The following TACC2 variants were observed in gnomAD, a reference collection of about 807,000 sequenced individuals.
TACC2 encodes transforming acidic coiled-coil-containing protein 2.
Under a neutral mutation model 227.3 loss-of-function variants are expected in TACC2, and 137 were observed. The ratio of observed to expected loss-of-function variants is 0.60; its 90% CI spans 0.52 to 0.69. The LOEUF is 0.69. Among genes scored for constraint, TACC2 ranks in the 30% least tolerant of loss-of-function variants. The pLI is 0.00. For missense variants in TACC2, 3,470 were observed against 3,694.4 expected (o/e 0.94, Z 1.57); for synonymous variants, 1,523 against 1,487.5 (o/e 1.02, Z -0.55).
At chr10:122,112,175 C>T (rs1479789669) in intron 5 of TACC2, among the ~76,000 whole-genome samples, 5 of 152,078 alleles carry the variant, frequency 3.3e-5, no homozygotes, top group Non-Finnish European at 7.4e-5. Context: ...AAATGGGAAG[C>T]CTGCTGTCTA....
intron 1 of TACC2, among the ~76,000 whole-genome samples, chr10:122,018,518 A>C (rs1450464207): frequency 1.3e-5 from 2 of 152,148 alleles, no homozygotes; most frequent in Admixed American, 1.3e-4. Context: ...CCCTAAAAAA[A>C]AATCCTGTGC....
At chr10:122,068,701 T>G (rs959190530) in intron 3 of TACC2, among the ~76,000 whole-genome samples, 1 of 150,028 alleles carries the variant, frequency 6.7e-6, no homozygotes, top group Admixed American at 6.7e-5. Flanking sequence ...TCTCACGGTG[T>G]CGCCCAGGCT....
At chr10:122,155,283 C>A (rs936736982) in intron 7 of TACC2, among the ~76,000 whole-genome samples, 3 of 152,314 alleles carry the variant, frequency 2.0e-5, no homozygotes, top group African/African-American at 7.2e-5. Flanking sequence ...AGCTGGGAGA[C>A]GCCATCTCTG....
chr10:122,070,340 G>A (rs1005151402), intron 3 of TACC2, among the ~76,000 whole-genome samples: 3 of 152,176 alleles, frequency 2.0e-5, no homozygotes, highest in African/African-American at 7.2e-5. Context: ...TGGGCATGGT[G>A]GCTCATGCCT....
intron 1 of TACC2, among the ~76,000 whole-genome samples, chr10:121,992,633 G>C (rs1953072924): frequency 1.3e-5 from 2 of 152,136 alleles, no homozygotes; most frequent in Admixed American, 1.3e-4. Flanking sequence ...CTTAGTGCTT[G>C]GGCAATTGAT....
At chr10:122,082,439 G>A (rs2079616893) in intron 3 of TACC2, among the ~76,000 whole-genome samples, 1 of 152,116 alleles carries the variant, frequency 6.6e-6, no homozygotes, top group Non-Finnish European at 1.5e-5. Flanking sequence ...ACCCTGCAGT[G>A]GTTTTTGGGG....
At chr10:122,116,066 C>CA (rs1385105660) in intron 5 of TACC2, among the ~76,000 whole-genome samples, 1 of 152,106 alleles carries the variant, frequency 6.6e-6, no homozygotes, top group Admixed American at 6.5e-5. Flanking sequence ...CCCCAGTAAT[C>CA]ATGTTCACAT....
chr10:122,249,299 G>T, intron 21 of TACC2, 143 bp downstream of exon 21: 1 of 738,690 alleles, frequency 1.4e-6, no homozygotes, highest in Non-Finnish European at 2.3e-6. Flanking sequence ...AGACTCGAGA[G>T]AAGGCACACA....
intron 2 of TACC2, among the ~76,000 whole-genome samples, chr10:122,032,365 C>T (rs1591287412): frequency 6.6e-6 from 1 of 152,156 alleles, no homozygotes; most frequent in South Asian, 2.1e-4. Context: ...CACCCAGGCC[C>T]CTAGCACCTC....
In TACC2 at chr10:122,172,299, C is replaced by G. The variant is rs115519319; in HGVS notation, c.5835-22741C>G. Among the ~76,000 whole-genome samples, 276 of 152,302 alleles carry G rather than the reference C, an allele frequency of 1.8e-3. 1 individual carries two copies. The highest frequency in any genetic ancestry group is 6.0e-3 in the African/African-American group (251 of 41,558). ...CTGCTTTCCGTCTACTGCTGGGTGACAGAATCAGGCAGGGGAGGGCACAGC... is the reference window on the plus strand; with the variant it reads ...CTGCTTTCCGTCTACTGCTGGGTGAGAGAATCAGGCAGGGGAGGGCACAGC... On this transcript the variant is annotated intron_variant, in intron 7 of 22. Transcript: ENST00000369005.
In TACC2 at chr10:122,005,941, C is replaced by T. The variant is rs935998569; in HGVS notation, c.-45-15996C>T. Among the ~76,000 whole-genome samples, 6 of 151,906 alleles carry T rather than the reference C, an allele frequency of 3.9e-5. No individual in the cohort carries two copies. In the South Asian group the frequency reaches 6.2e-4, roughly 16 times the overall value. On this transcript the variant is annotated intron_variant, in intron 1 of 22. Transcript: ENST00000369005. ...AACTCTGGACCTCAGGTGATCTGCC[C>T]GCCTCAGCCTTCCAAAGTGTTGGGA...
chr10:122,080,873 A>T (rs2079399181), intron 3 of TACC2, among the ~76,000 whole-genome samples: 1 of 152,188 alleles, frequency 6.6e-6, no homozygotes, highest in East Asian at 1.9e-4. Flanking sequence ...TGTGTGTGTG[A>T]ATATGTGTGC....
At chr10:122,010,393 G>A (rs556535013) in intron 1 of TACC2, among the ~76,000 whole-genome samples, 3 of 152,298 alleles carry the variant, frequency 2.0e-5, no homozygotes, top group East Asian at 1.9e-4. Flanking sequence ...AGAGAGGGAC[G>A]GTATGGAAAT....
chr10:122,026,135 G>A (rs1369905198), intron 2 of TACC2, among the ~76,000 whole-genome samples: 40 of 141,892 alleles, frequency 2.8e-4, no homozygotes, highest in African/African-American at 8.4e-4. Flanking sequence ...TGGCTAACAC[G>A]GTGAAACCCC....
chr10:122,032,748 C>A (rs1372314033), intron 2 of TACC2, among the ~76,000 whole-genome samples: 1 of 152,128 alleles, frequency 6.6e-6, no homozygotes, highest in East Asian at 1.9e-4. Context: ...CACCTGAGGT[C>A]AGGAGTTCAA....
intron 5 of TACC2, among the ~76,000 whole-genome samples, chr10:122,130,572 C>T (rs1194092800): frequency 3.9e-5 from 6 of 152,064 alleles, no homozygotes; most frequent in African/African-American, 1.4e-4. Context: ...CATAAGCCAC[C>T]GTGCCCAGCC....
intron 1 of TACC2, 78 bp from the exon 2 acceptor site, chr10:122,021,859 T>G: frequency 1.3e-6 from 1 of 794,390 alleles, no homozygotes; most frequent in South Asian, 1.5e-5. Flanking sequence ...GCTTTTGAGT[T>G]TGGGGAGATG....
intron 2 of TACC2, among the ~76,000 whole-genome samples, chr10:122,049,100 G>C (rs1210552534): frequency 2.0e-5 from 3 of 152,240 alleles, no homozygotes; most frequent in African/African-American, 7.2e-5. Context: ...CAGCTCATCT[G>C]GATGAGAGGT....
chr10:122,076,478 C>T (rs1285707011), intron 3 of TACC2, among the ~76,000 whole-genome samples: 1 of 152,170 alleles, frequency 6.6e-6, no homozygotes, highest in African/African-American at 2.4e-5. Flanking sequence ...CTTTCCTTTT[C>T]CAGAAGGCAC....
Sources: allele counts gnomAD v4.1 joint callset (sites outside exome capture counted in the v4.1 genomes callset), GRCh38; gene constraint gnomAD v4.1.1; transcripts MANE v1.5; gene names NCBI Gene and HGNC (gene_info 2026-07-23, HGNC 2026-07-21).